KIAA0825: variants seen among roughly 807,000 people sequenced by gnomAD.
The protein encoded by KIAA0825 is uncharacterized protein KIAA0825.
A neutral mutation model predicts 147.6 loss-of-function variants in KIAA0825; 119 were observed. The ratio of observed to expected loss-of-function variants is 0.81; its 90% CI spans 0.69 to 0.94. KIAA0825 has a LOEUF of 0.94. Among genes scored for constraint, KIAA0825 ranks in the 40% least tolerant of loss-of-function variants. The pLI is 0.00. For missense variants in KIAA0825, 1,381 were observed against 1,472.7 expected, an observed-to-expected ratio of 0.94 and a Z score of 1.02; for synonymous variants, 470 against 518.1, an observed-to-expected ratio of 0.91 and a Z score of 1.26.
At chr5:94,492,560 T>C (rs1203795400) in intron 5 of KIAA0825, among the ~76,000 whole-genome samples, 2 of 152,194 alleles carry the variant, frequency 1.3e-5, no homozygotes, top group African/African-American at 4.8e-5. Flanking sequence ...AGAGATCTTT[T>C]TCCCCCATGA....
chr5:94,454,978 G>A (rs947547047), intron 12 of KIAA0825, among the ~76,000 whole-genome samples: 11 of 152,078 alleles, frequency 7.2e-5, no homozygotes, highest in African/African-American at 1.2e-4. Flanking sequence ...TAAGGGAAAC[G>A]AAGAAGCTTA....
intron 20 of KIAA0825, among the ~76,000 whole-genome samples, chr5:94,322,512 T>C (rs1780288115): frequency 6.6e-6 from 1 of 151,928 alleles, no homozygotes; most frequent in Admixed American, 6.6e-5. Context: ...TTCAACACTC[T>C]GCATTCTACA....
At chr5:94,165,532 G>T (rs1377723409) in intron 20 of KIAA0825, among the ~76,000 whole-genome samples, 1 of 152,088 alleles carries the variant, frequency 6.6e-6, no homozygotes, top group East Asian at 1.9e-4. Flanking sequence ...AAGGAAATCA[G>T]CATATCAAAG....
At chr5:94,228,357 A>C (rs1203499207) in intron 20 of KIAA0825, among the ~76,000 whole-genome samples, 1 of 152,194 alleles carries the variant, frequency 6.6e-6, no homozygotes, top group Non-Finnish European at 1.5e-5. Flanking sequence ...TTTTCTAAAT[A>C]GTCTTCTAAT....
intron 20 of KIAA0825, among the ~76,000 whole-genome samples, chr5:94,251,949 G>C (rs1335357362): frequency 6.6e-6 from 1 of 151,880 alleles, no homozygotes; most frequent in Non-Finnish European, 1.5e-5. Flanking sequence ...GAATTGAAAA[G>C]TTTTTTCATT....
chr5:94,214,578 G>A (rs910498881), intron 20 of KIAA0825, among the ~76,000 whole-genome samples: 6 of 152,036 alleles, frequency 3.9e-5, no homozygotes, highest in African/African-American at 7.2e-5. Flanking sequence ...GAAACTCCTC[G>A]GTCCTGGGCC....
chr5:94,559,317 C>G (rs1007237624), intron 2 of KIAA0825, among the ~76,000 whole-genome samples: 3 of 152,078 alleles, frequency 2.0e-5, no homozygotes, highest in African/African-American at 7.2e-5. Context: ...GGGAAGATCC[C>G]TTCTCTCCTA....
chr5:94,281,834 G>C (rs1443709266), intron 20 of KIAA0825, among the ~76,000 whole-genome samples: 1 of 152,092 alleles, frequency 6.6e-6, no homozygotes, highest in Non-Finnish European at 1.5e-5. Context: ...AGCAGCTGCT[G>C]TACGGAGACC....
intron 6 of KIAA0825, among the ~76,000 whole-genome samples, chr5:94,480,547 AG>A (rs1762379804): frequency 6.6e-6 from 1 of 152,086 alleles, no homozygotes; most frequent in African/African-American, 2.4e-5. Flanking sequence ...TAAGCTTTGC[AG>A]ATCTGTTTCT....
At chr5:94,253,048 T>G (rs1776051038) in intron 20 of KIAA0825, among the ~76,000 whole-genome samples, 1 of 152,156 alleles carries the variant, frequency 6.6e-6, no homozygotes, top group Non-Finnish European at 1.5e-5. Context: ...TTGTGCAATA[T>G]TTTTAAAAGC....
At chr5:94,499,505 G>A (rs1019597374) in intron 5 of KIAA0825, among the ~76,000 whole-genome samples, 3 of 139,716 alleles carry the variant, frequency 2.1e-5, no homozygotes, top group Admixed American at 8.0e-5. Flanking sequence ...TCCTGGAATC[G>A]CTTTCTTCTC....
At chr5:94,273,715 G>T (rs1252429844) in intron 20 of KIAA0825, among the ~76,000 whole-genome samples, 1 of 151,978 alleles carries the variant, frequency 6.6e-6, no homozygotes, top group African/African-American at 2.4e-5. Flanking sequence ...TCTTTCTTAT[G>T]TTGAAAATGG....
chr5:94,399,135 A>G (rs1360290148), intron 16 of KIAA0825, among the ~76,000 whole-genome samples: 1 of 152,178 alleles, frequency 6.6e-6, no homozygotes, highest in Non-Finnish European at 1.5e-5. Flanking sequence ...TAGTTGCTCA[A>G]TAAATGTTTT....
At position 94,608,472 on chromosome 5, in the gene KIAA0825, A is replaced by G. The variant is rs1360178109; in HGVS notation, c.-153+10028T>C. On this transcript the variant is annotated intron_variant, in intron 1 of 20. Transcript: ENST00000682413. ...GTGTGTATATATATATATTATATAT[A>G]TAATATATATATATATATAATTATA... Among the ~76,000 whole-genome samples the G allele has an allele frequency of 2.1e-3, 46 of 21,640 alleles. 6 individuals carry two copies. Among genetic ancestry groups the G allele is most frequent in the South Asian group, 0.012 (9 of 766 alleles). 14.2% of individuals were successfully genotyped at this position (21,640 alleles called of 152,430 possible). A position where few individuals can be genotyped will look rare whatever the true frequency, so the allele number is the denominator to read the frequency against.
intron 7 of KIAA0825, among the ~76,000 whole-genome samples, chr5:94,474,915 C>G (rs773175582): frequency 3.3e-5 from 5 of 152,080 alleles, no homozygotes; most frequent in Admixed American, 2.0e-4. Context: ...CGGTGAAACC[C>G]GGTCTCTACT....
At chr5:94,226,770 T>C (rs1335612110) in intron 20 of KIAA0825, among the ~76,000 whole-genome samples, 1 of 151,912 alleles carries the variant, frequency 6.6e-6, no homozygotes. Flanking sequence ...AGAAGACATT[T>C]ATGCAGCCAA....
chr5:94,587,715 C>CA (rs1303303035), intron 1 of KIAA0825, among the ~76,000 whole-genome samples: 2 of 152,122 alleles, frequency 1.3e-5, no homozygotes, highest in Non-Finnish European at 2.9e-5. Flanking sequence ...CATATGGAAC[C>CA]AAAAATGGGC....
At chr5:94,228,527 C>T (rs1774407334) in intron 20 of KIAA0825, among the ~76,000 whole-genome samples, 1 of 152,182 alleles carries the variant, frequency 6.6e-6, no homozygotes, top group Admixed American at 6.6e-5. Context: ...GCTCCATGGT[C>T]ATGATTAGCT....
intron 20 of KIAA0825, among the ~76,000 whole-genome samples, chr5:94,305,557 T>A (rs910166538): frequency 6.6e-6 from 1 of 151,990 alleles, no homozygotes; most frequent in Non-Finnish European, 1.5e-5. Context: ...ATTACGTCAA[T>A]TGACAATGAA....
Sources: allele counts gnomAD v4.1 joint callset (sites outside exome capture counted in the v4.1 genomes callset), GRCh38; gene constraint gnomAD v4.1.1; transcripts MANE v1.5; gene names NCBI Gene and HGNC (gene_info 2026-07-23, HGNC 2026-07-21).